The following DLG2 variants were observed in gnomAD, a reference collection of about 807,000 sequenced individuals.
The protein encoded by DLG2 is disks large homolog 2.
DLG2 carries 45 observed loss-of-function variants against 132.5 expected under a neutral mutation model. The ratio of observed to expected loss-of-function variants is 0.34; its 90% CI spans 0.27 to 0.44. DLG2 has a LOEUF of 0.44. Among genes scored for constraint, DLG2 ranks in the 20% least tolerant of loss-of-function variants. DLG2 has a pLI of 1.00. For missense variants in DLG2, 1,045 were observed against 1,196.9 expected, an observed-to-expected ratio of 0.87 and a Z score of 1.87; for synonymous variants, 424 against 419.6, an observed-to-expected ratio of 1.01 and a Z score of -0.13.
chr11:84,522,701 T>A (rs1048811845), intron 7 of DLG2, among the ~76,000 whole-genome samples: 2 of 152,230 alleles, frequency 1.3e-5, no homozygotes, highest in Non-Finnish European at 2.9e-5. Context: ...CTGTCTTATA[T>A]AAGATTACAT....
intron 6 of DLG2, among the ~76,000 whole-genome samples, chr11:84,800,890 A>G (rs755496723): frequency 1.2e-4 from 18 of 152,204 alleles, no homozygotes; most frequent in Non-Finnish European, 2.4e-4. Flanking sequence ...GAAAATTTAC[A>G]AATAACATGA....
intron 18 of DLG2, among the ~76,000 whole-genome samples, chr11:83,663,872 A>G (rs2074939475): frequency 6.6e-6 from 1 of 152,214 alleles, no homozygotes; most frequent in Non-Finnish European, 1.5e-5. Context: ...CCATCCCTAC[A>G]TTCCAAATAA....
At chr11:84,386,309 TACTC>T (rs1322073805) in intron 7 of DLG2, among the ~76,000 whole-genome samples, 4 of 152,086 alleles carry the variant, frequency 2.6e-5, no homozygotes, top group Admixed American at 6.6e-5. Flanking sequence ...AAGATTTAGT[TACTC>T]ACACTACTCT....
chr11:84,154,278 G>A lies in DLG2; in HGVS notation c.624+9183C>T, dbSNP rs954057718. Reference sequence around the variant, plus strand: ...CTCCCAAAGTGCTGGGATTACAGGCGTGAGCCACTGCACCCAGCCATTAAT... The same window carrying A: ...CTCCCAAAGTGCTGGGATTACAGGCATGAGCCACTGCACCCAGCCATTAAT... On this transcript the variant is annotated intron_variant, in intron 9 of 27. Transcript: ENST00000376104. Among the ~76,000 whole-genome samples the A allele has an allele frequency of 3.3e-5, 5 of 152,180 alleles. No homozygotes were observed. The South Asian group carries it at 6.2e-4, about 19-fold the overall frequency.
intron 5 of DLG2, among the ~76,000 whole-genome samples, chr11:85,151,549 T>G (rs1326011652): frequency 1.3e-5 from 2 of 152,224 alleles, no homozygotes; most frequent in African/African-American, 2.4e-5. Context: ...TTAATCCATC[T>G]CGAGTTAATT....
chr11:83,884,512 G>T (rs1485317443), intron 15 of DLG2, among the ~76,000 whole-genome samples: 1 of 152,128 alleles, frequency 6.6e-6, no homozygotes, highest in African/African-American at 2.4e-5. Context: ...CACCTCTGGG[G>T]GCAGGGCACA....
chr11:84,355,915 C>A (rs138266694), intron 7 of DLG2, among the ~76,000 whole-genome samples: 93 of 152,100 alleles, frequency 6.1e-4, no homozygotes, highest in Non-Finnish European at 1.0e-3. Flanking sequence ...GAATGTTATA[C>A]CTGAGTTACA....
chr11:83,689,932 T>C (rs1022097342), intron 18 of DLG2, among the ~76,000 whole-genome samples: 2 of 143,400 alleles, frequency 1.4e-5, no homozygotes, highest in Non-Finnish European at 3.0e-5. Flanking sequence ...TTTACATAAA[T>C]ATATAATATA....
chr11:84,707,271 A>T (rs2059885958), intron 6 of DLG2, among the ~76,000 whole-genome samples: 1 of 151,748 alleles, frequency 6.6e-6, no homozygotes, highest in African/African-American at 2.4e-5. Flanking sequence ...CTACCACCTA[A>T]GCTATCTTTA....
intron 3 of DLG2, among the ~76,000 whole-genome samples, chr11:85,442,749 G>C (rs1427872340): frequency 2.6e-5 from 4 of 151,978 alleles, no homozygotes; most frequent in Non-Finnish European, 5.9e-5. Flanking sequence ...AGACATGGTG[G>C]CATGTACCTG....
intron 4 of DLG2, among the ~76,000 whole-genome samples, chr11:85,208,558 C>T (rs2082050236): frequency 6.6e-6 from 1 of 152,070 alleles, no homozygotes; most frequent in Admixed American, 6.6e-5. Flanking sequence ...CAGTGTCAAG[C>T]CAGTCTTATT....
At chr11:84,037,614 C>T (rs929935099) in intron 11 of DLG2, among the ~76,000 whole-genome samples, 6 of 152,014 alleles carry the variant, frequency 3.9e-5, no homozygotes, top group African/African-American at 1.2e-4. Context: ...AGAGAAAAGT[C>T]TTCATCATTT....
At chr11:84,197,036 C>CAAAAAAAAAAAAAAAAAAAAAAAA (rs60877284) in intron 8 of DLG2, among the ~76,000 whole-genome samples, 1 of 87,936 alleles carries the variant, frequency 1.1e-5, no homozygotes, top group Non-Finnish European at 2.1e-5. Context: ...GACTCTTTCT[C>CAAAAAAAAAAAAAAAAAAAAAAAA]AAAAAAAAAA....
chr11:85,456,572 T>C (rs1450116376), intron 3 of DLG2, among the ~76,000 whole-genome samples: 1 of 152,148 alleles, frequency 6.6e-6, no homozygotes. Flanking sequence ...TTGTTAATTT[T>C]AGATCTTTCA....
intron 6 of DLG2, among the ~76,000 whole-genome samples, chr11:84,780,735 G>A (rs2071602075): frequency 6.6e-6 from 1 of 152,008 alleles, no homozygotes; most frequent in Non-Finnish European, 1.5e-5. Context: ...TTAAAATTCA[G>A]ATATTTCCCT....
chr11:84,071,841 C>T (rs748923235), intron 10 of DLG2, among the ~76,000 whole-genome samples: 13 of 152,060 alleles, frequency 8.5e-5, no homozygotes, highest in Non-Finnish European at 1.9e-4. Context: ...TTATATATAA[C>T]AAATAGAGGG....
intron 10 of DLG2, among the ~76,000 whole-genome samples, chr11:84,096,230 T>C (rs1053471049): frequency 3.9e-5 from 6 of 152,070 alleles, no homozygotes; most frequent in African/African-American, 1.4e-4. Flanking sequence ...TAGTACCTAC[T>C]TATATGGCTA....
At chr11:83,795,044 T>C (rs181658046) in intron 17 of DLG2, among the ~76,000 whole-genome samples, 144 of 152,314 alleles carry the variant, frequency 9.5e-4, no homozygotes, top group African/African-American at 3.3e-3. Flanking sequence ...GCAAAAGGCA[T>C]TGTCAAGCTA....
intron 7 of DLG2, among the ~76,000 whole-genome samples, chr11:84,262,532 A>G (rs1449268361): frequency 6.6e-6 from 1 of 152,110 alleles, no homozygotes; most frequent in Non-Finnish European, 1.5e-5. Flanking sequence ...CTCCATAATC[A>G]TCTTTTTTTT....
Sources: gnomAD v4.1 joint callset for allele counts (sites outside exome capture counted in the v4.1 genomes callset) on GRCh38, gnomAD v4.1.1 for gene constraint, MANE v1.5 for transcripts, NCBI Gene and HGNC (gene_info 2026-07-23, HGNC 2026-07-21) for gene names.